The following PRKN variants were observed in gnomAD, a reference collection of about 807,000 sequenced individuals.
PRKN encodes E3 ubiquitin-protein ligase parkin.
A neutral mutation model predicts 59.5 loss-of-function variants in PRKN; 56 were observed. The observed-to-expected ratio is 0.94, with a 90% CI of 0.76 to 1.18. PRKN has a LOEUF of 1.18. Ranked by LOEUF, PRKN falls within the 50% of genes most tolerant of loss-of-function variation. PRKN has a pLI of 0.00. For synonymous variants in PRKN, 250 were observed against 222.1 expected, an observed-to-expected ratio of 1.13 and a Z score of -1.12; for missense variants, 657 against 596.4, an observed-to-expected ratio of 1.10 and a Z score of -1.06.
At chr6:161,793,159 T>C (rs1790706438) in intron 6 of PRKN, among the ~76,000 whole-genome samples, 1 of 152,220 alleles carries the variant, frequency 6.6e-6, no homozygotes, top group Non-Finnish European at 1.5e-5. Flanking sequence ...ACTCAACTTT[T>C]AGAAATTAAC....
At chr6:162,510,940 T>TA (rs1285891137) in intron 1 of PRKN, among the ~76,000 whole-genome samples, 1 of 139,144 alleles carries the variant, frequency 7.2e-6, no homozygotes, top group Non-Finnish European at 1.6e-5. Context: ...AACAAACAAA[T>TA]AAAAAAACAA....
At position 161,731,377 on chromosome 6, in the gene PRKN, G is replaced by A. The variant is rs1393414381; in HGVS notation, c.871+54395C>T. On this transcript the variant is annotated intron_variant, in intron 7 of 11. Coordinates refer to ENST00000366898, the MANE Select transcript of PRKN (RefSeq NM_004562.3). Reference sequence around the variant, plus strand: ...TTTCCTGCTACTCTGAACTCTCTGTGACTGTCTATAATAACTGTAGGCATT... The same window carrying A: ...TTTCCTGCTACTCTGAACTCTCTGTAACTGTCTATAATAACTGTAGGCATT... Among the ~76,000 whole-genome samples the A allele has an allele frequency of 2.6e-5, 4 of 152,186 alleles. No homozygotes were observed. In the South Asian group the frequency reaches 6.2e-4, roughly 24 times the overall value.
chr6:162,632,254 C>T (rs1783138506), intron 1 of PRKN, among the ~76,000 whole-genome samples: 1 of 152,184 alleles, frequency 6.6e-6, no homozygotes, highest in Non-Finnish European at 1.5e-5. Flanking sequence ...ATGGAATAAA[C>T]TCAGGTGTCC....
At chr6:161,653,244 G>A (rs1293545345) in intron 7 of PRKN, among the ~76,000 whole-genome samples, 2 of 152,084 alleles carry the variant, frequency 1.3e-5, no homozygotes, top group Non-Finnish European at 2.9e-5. Flanking sequence ...CATGCCTGTA[G>A]TCCCAGCTAC....
chr6:162,320,018 G>A (rs756759635), intron 2 of PRKN, among the ~76,000 whole-genome samples: 2 of 151,752 alleles, frequency 1.3e-5, no homozygotes, highest in Non-Finnish European at 2.9e-5. Flanking sequence ...CCATGTCCAT[G>A]TGTACACATT....
intron 2 of PRKN, among the ~76,000 whole-genome samples, chr6:162,299,746 A>G (rs552176415): frequency 1.3e-5 from 2 of 151,964 alleles, no homozygotes; most frequent in African/African-American, 4.8e-5. Context: ...GCTGCAGGCC[A>G]CTTTGCAGGA....
chr6:161,770,340 T>C lies in PRKN; in HGVS notation c.871+15432A>G, dbSNP rs116732188. The stretch of plus-strand genomic sequence containing the variant: ...TTGGGGGTGCTGAGTATTTAAAAAC[T>C]ATTTCAGAATTGAGAAACTGATTGT... On this transcript the variant is annotated intron_variant, in intron 7 of 11. Transcript: ENST00000366898. Among the ~76,000 whole-genome samples, 394 of 152,240 alleles carry C rather than the reference T, an allele frequency of 2.6e-3. 6 individuals carry two copies. Among genetic ancestry groups the C allele is most frequent in the African/African-American group, 9.0e-3 (374 of 41,544 alleles).
At chr6:161,450,530 A>G (rs986232514) in intron 9 of PRKN, among the ~76,000 whole-genome samples, 7 of 152,036 alleles carry the variant, frequency 4.6e-5, no homozygotes, top group Non-Finnish European at 1.0e-4. Context: ...TAAACCACTC[A>G]TACCATGATT....
intron 7 of PRKN, among the ~76,000 whole-genome samples, chr6:161,772,476 C>T (rs1264863863): frequency 2.6e-5 from 4 of 152,236 alleles, no homozygotes; most frequent in South Asian, 2.1e-4. Flanking sequence ...TGATATAGGC[C>T]GTGGGGCTCG....
chr6:162,363,159 T>G (rs77771006), intron 2 of PRKN, among the ~76,000 whole-genome samples: 1 of 146,102 alleles, frequency 6.8e-6, no homozygotes, highest in African/African-American at 2.5e-5. Context: ...AAAAAAAAAT[T>G]GTCTCCCCTG....
intron 1 of PRKN, among the ~76,000 whole-genome samples, chr6:162,492,211 G>C (rs1437104098): frequency 6.6e-6 from 1 of 152,238 alleles, no homozygotes; most frequent in Non-Finnish European, 1.5e-5. Flanking sequence ...AGATTGGCCT[G>C]TAAGGCCACA....
chr6:161,932,225 T>C (rs574940363), intron 6 of PRKN, among the ~76,000 whole-genome samples: 7 of 152,266 alleles, frequency 4.6e-5, no homozygotes, highest in South Asian at 4.1e-4. Context: ...ATCGTGTTAA[T>C]TAAAAAGCAA....
chr6:162,246,671 G>A (rs944028494), intron 3 of PRKN, among the ~76,000 whole-genome samples: 12 of 152,144 alleles, frequency 7.9e-5, no homozygotes, highest in African/African-American at 2.7e-4. Flanking sequence ...TGTTAAATAT[G>A]TGATAAGGTT....
intron 2 of PRKN, among the ~76,000 whole-genome samples, chr6:162,328,470 A>C (rs548177875): frequency 6.6e-6 from 1 of 152,310 alleles, no homozygotes; most frequent in East Asian, 1.9e-4. Context: ...ATTCAAAAGC[A>C]TTTACTGAAC....
At chr6:162,648,390 T>C (rs1778281328) in intron 1 of PRKN, among the ~76,000 whole-genome samples, 1 of 151,078 alleles carries the variant, frequency 6.6e-6, no homozygotes, top group South Asian at 2.1e-4. Context: ...CTTTCTTTTT[T>C]TATTTTTTTA....
chr6:162,628,704 C>CA (rs1443287855), intron 1 of PRKN, among the ~76,000 whole-genome samples: 1 of 151,938 alleles, frequency 6.6e-6, no homozygotes, highest in Non-Finnish European at 1.5e-5. Flanking sequence ...TGAATAATAA[C>CA]AAAAAGTTAA....
intron 4 of PRKN, among the ~76,000 whole-genome samples, chr6:162,145,357 G>A (rs778085919): frequency 2.0e-5 from 3 of 152,096 alleles, no homozygotes; most frequent in Non-Finnish European, 2.9e-5. Flanking sequence ...TGGTGATTTG[G>A]GTGGTCTGGG....
chr6:162,491,798 C>T (rs965594901), intron 1 of PRKN, among the ~76,000 whole-genome samples: 4 of 152,310 alleles, frequency 2.6e-5, no homozygotes, highest in African/African-American at 9.6e-5. Context: ...CAGGGACTTC[C>T]GGGCATGGCT....
rs570544866 is a variant in PRKN at position 161,893,941 on chromosome 6, C to T, written c.734+79361G>A. Among the ~76,000 whole-genome samples the T allele has an allele frequency of 2.6e-5, 4 of 152,150 alleles. No homozygotes were observed. The South Asian group carries it at 6.2e-4, about 24-fold the overall frequency. ...AAACATTTTGGCACACGATTTGTCA[C>T]AAAGAAGAACACAAAATTATTTTTG... On this transcript the variant is annotated intron_variant, in intron 6 of 11. Coordinates refer to ENST00000366898, the MANE Select transcript of PRKN (RefSeq NM_004562.3).
Sources: gnomAD v4.1 joint callset for allele counts (sites outside exome capture counted in the v4.1 genomes callset) on GRCh38, gnomAD v4.1.1 for gene constraint, MANE v1.5 for transcripts, NCBI Gene and HGNC (gene_info 2026-07-23, HGNC 2026-07-21) for gene names.